LDLRAP1: variants seen among roughly 807,000 people sequenced by gnomAD.
LDLRAP1 encodes the protein low density lipoprotein receptor adapter protein 1.
In LDLRAP1, 30 loss-of-function variants were observed where a neutral mutation model predicts 37.8. That is an observed-to-expected ratio of 0.79 (90% CI 0.59 to 1.08). The LOEUF is 1.08. Ranked by LOEUF, LDLRAP1 falls within the 50% of genes least tolerant of loss-of-function variation. LDLRAP1 has a pLI of 0.00. For synonymous variants in LDLRAP1, 156 were observed against 169.8 expected, an observed-to-expected ratio of 0.92 and a Z score of 0.63; for missense variants, 375 against 401.6, an observed-to-expected ratio of 0.93 and a Z score of 0.57.
At chr1:25,563,835 C>T (rs2044410515) in intron 7 of LDLRAP1, 44 bp downstream of exon 7, 2 of 1,611,322 alleles carry the variant, frequency 1.2e-6, no homozygotes, top group South Asian at 1.1e-5. Flanking sequence ...CTCAGCCTGA[C>T]CTCTGGGTGA....
downstream of LDLRAP1, chr1:25,569,003 AGT>A (rs2044560325): frequency 1.3e-5 from 2 of 152,110 alleles, no homozygotes; most frequent in Non-Finnish European, 2.9e-5. Context: ...GGCAGCACTG[AGT>A]GGGGGTGATG....
chr1:25,548,023 A>G (rs1298891129), intron 1 of LDLRAP1, among the ~76,000 whole-genome samples: 1 of 152,234 alleles, frequency 6.6e-6, no homozygotes, highest in East Asian at 1.9e-4. Flanking sequence ...GCAGCCCTGC[A>G]GGGCTCTGCC....
downstream of LDLRAP1, among the ~76,000 whole-genome samples, chr1:25,570,297 AGCGCCAGCC>A (rs2044586464): frequency 6.6e-6 from 1 of 152,184 alleles, no homozygotes; most frequent in Non-Finnish European, 1.5e-5. Flanking sequence ...ATGAATCCTG[AGCGCCAGCC>A]GTCTGCTCTT....
intron 6 of LDLRAP1, 104 bp downstream of exon 6, chr1:25,563,257 C>A: frequency 1.2e-6 from 1 of 855,088 alleles, no homozygotes; most frequent in East Asian, 2.5e-5. Context: ...CTTGGTTTTT[C>A]ACTTGTGTTT....
Position 25,554,176 on chromosome 1 carries a change from C to T in LDLRAP1, c.231+112C>T, listed in dbSNP as rs1160962550. The T allele has an allele frequency of 3.7e-6, 5 of 1,344,742 alleles. No individual in the cohort carries two copies. The highest frequency in any genetic ancestry group is 5.2e-6 in the Non-Finnish European group (5 of 966,724). 83.3% of individuals were successfully genotyped at this position (1,344,742 alleles called of 1,614,324 possible). On this transcript the variant is annotated intron_variant, in intron 2 of 8. Coordinates refer to ENST00000374338, the MANE Select transcript of LDLRAP1 (RefSeq NM_015627.3). The surrounding 1 kb of genome is among the most constrained non-coding windows in gnomAD (Gnocchi z 5.4). ...CAGTTGGGTGTGTCTGAGCCTGGCC[C>T]TGCCCTTCATTCTCCTTCCATCCAG...
At chr1:25,548,365 T>C (rs1033262991) in intron 1 of LDLRAP1, among the ~76,000 whole-genome samples, 2 of 114,534 alleles carry the variant, frequency 1.7e-5, no homozygotes, top group Non-Finnish European at 3.4e-5. Context: ...TTTTTTTTTT[T>C]AAGAGGGAGT....
rs927670201 is a variant in LDLRAP1 at position 25,544,546 on chromosome 1, T to A, written c.88+760T>A. Among the ~76,000 whole-genome samples, 3 of 152,212 alleles carry A rather than the reference T, an allele frequency of 2.0e-5. No homozygotes were observed. Among genetic ancestry groups the A allele is most frequent in the Admixed American group, 6.5e-5 (1 of 15,286 alleles). ...TTGGGTGCCCAGGCAAACGACAGAC[T>A]CGCCGCCACCTCTCCCTGGGGCGTC... is the stretch of plus-strand genomic sequence containing the variant. On this transcript the variant is annotated intron_variant, in intron 1 of 8. Transcript: ENST00000374338. The surrounding 1 kb of genome is among the most constrained non-coding windows in gnomAD (Gnocchi z 4.8).
At position 25,567,226 on chromosome 1, in the gene LDLRAP1, T is replaced by C. The variant is rs935454925; in HGVS notation, c.*234T>C. 2 of 589,752 alleles carry C rather than the reference T, an allele frequency of 3.4e-6. No homozygotes were observed. The highest frequency in any genetic ancestry group is 3.7e-5 in the African/African-American group (2 of 53,880). 36.5% of individuals were successfully genotyped at this position (589,752 alleles called of 1,614,324 possible). On this transcript the variant is annotated 3_prime_UTR_variant, in exon 9 of 9. Coordinates refer to ENST00000374338, the MANE Select transcript of LDLRAP1 (RefSeq NM_015627.3). ...TATTTATTCAGTGACTTCTGGCTTA[T>C]GCTCAGAAGCCAGTCTGCGTCAGGC...
chr1:25,567,371 C>G lies in LDLRAP1; in HGVS notation c.*379C>G, dbSNP rs2044511454. 6.0e-6 allele frequency: 2 copies of G among 331,362 alleles called. No homozygotes were observed. The highest frequency in any genetic ancestry group is 8.5e-5 in the East Asian group (1 of 11,728). The allele number at this position is 331,362 out of a possible 1,614,324, so 20.5% of individuals were successfully genotyped here. On this transcript the variant is annotated 3_prime_UTR_variant, in exon 9 of 9. Transcript: ENST00000374338. ...GACCAAAGCATTTCTAGTCCCTTCT[C>G]TCTTTCTAAGGACCCAAATTTCCCT... is the stretch of plus-strand genomic sequence containing the variant.
At chr1:25,553,726 G>T in intron 1 of LDLRAP1, 196 bp from the exon 2 acceptor site, 9 of 618,620 alleles carry the variant, frequency 1.5e-5, no homozygotes, top group Non-Finnish European at 2.2e-5. Flanking sequence ...AGCTGAGCTC[G>T]CACCACTGCA....
the LDLRAP1 span, among the ~76,000 whole-genome samples, chr1:25,578,012 G>A: frequency 1.3e-5 from 2 of 152,208 alleles, no homozygotes; most frequent in African/African-American, 4.8e-5. Context: ...ACGTAGCTCT[G>A]TCATCAGTGA....
the LDLRAP1 span, among the ~76,000 whole-genome samples, chr1:25,586,579 T>C: frequency 6.8e-6 from 1 of 147,478 alleles, no homozygotes; most frequent in Admixed American, 6.9e-5. The surrounding 1 kb of genome is among the most constrained non-coding windows in gnomAD (Gnocchi z 4.3). Context: ...TGTGTGCGTG[T>C]GCGCGCGTGT....
At chr1:25,546,971 T>C (rs765089061) in intron 1 of LDLRAP1, among the ~76,000 whole-genome samples, 19 of 152,038 alleles carry the variant, frequency 1.2e-4, no homozygotes, top group Non-Finnish European at 2.6e-4. Flanking sequence ...AACAAGGGTG[T>C]AGATCAGTGG....
the LDLRAP1 span, among the ~76,000 whole-genome samples, chr1:25,587,750 G>T: frequency 3.3e-5 from 5 of 152,294 alleles, no homozygotes; most frequent in East Asian, 9.7e-4. Context: ...TCCACGGTGG[G>T]AGTGGGCGTG....
chr1:25,585,729 T>C, the LDLRAP1 span, among the ~76,000 whole-genome samples: 1 of 152,294 alleles, frequency 6.6e-6, no homozygotes, highest in East Asian at 1.9e-4. Flanking sequence ...GGGCAGTCTG[T>C]CCTGCCCCTA....
In LDLRAP1 at chr1:25,553,852, C is replaced by T. The variant is rs2044134636; in HGVS notation, c.89-70C>T. 1.9e-6 allele frequency: 3 copies of T among 1,580,424 alleles called. No individual in the cohort carries two copies. In the African/African-American group the frequency reaches 4.0e-5, roughly 21 times the overall value. On this transcript the variant is annotated intron_variant, in intron 1 of 8. Transcript: ENST00000374338. ...TGCTGGGGTTTCCTAGGAAAGAAGGCTGGTGAGAGCTGTTGCTGGTGGTGG... is the reference window on the plus strand; with the variant it reads ...TGCTGGGGTTTCCTAGGAAAGAAGGTTGGTGAGAGCTGTTGCTGGTGGTGG...
chr1:25,569,761 G>T (rs891002474), downstream of LDLRAP1, among the ~76,000 whole-genome samples: 7 of 152,240 alleles, frequency 4.6e-5, no homozygotes, highest in Admixed American at 4.6e-4. Context: ...GTTGTGCTGA[G>T]CGCAGATGGC....
chr1:25,571,169 C>T (rs2044600263), downstream of LDLRAP1, among the ~76,000 whole-genome samples: 1 of 152,230 alleles, frequency 6.6e-6, no homozygotes, highest in South Asian at 2.1e-4. Flanking sequence ...CCAGCAGCCC[C>T]AGCTACCACG....
chr1:25,561,999 G>T (rs555192830), intron 4 of LDLRAP1, among the ~76,000 whole-genome samples: 1 of 152,160 alleles, frequency 6.6e-6, no homozygotes, highest in Non-Finnish European at 1.5e-5. Flanking sequence ...TTCCCCTGGG[G>T]TGAAGGGCCG....
Sources: allele counts gnomAD v4.1 joint callset (sites outside exome capture counted in the v4.1 genomes callset), GRCh38; gene constraint gnomAD v4.1.1; non-coding constraint Gnocchi (gnomAD v3.1); transcripts MANE v1.5; gene names NCBI Gene and HGNC (gene_info 2026-07-23, HGNC 2026-07-21).